CYP3A43: variants seen among roughly 807,000 people sequenced by gnomAD.
The protein encoded by CYP3A43 is cytochrome P450 3A43.
A neutral mutation model predicts 58.0 loss-of-function variants in CYP3A43; 45 were observed. The observed-to-expected ratio is 0.78, with a 90% CI of 0.61 to 0.99. CYP3A43 has a LOEUF of 0.99. Among genes scored for constraint, CYP3A43 ranks in the 50% least tolerant of loss-of-function variants. The pLI, the probability that CYP3A43 is intolerant of heterozygous loss-of-function variation, is 0.00. For missense variants in CYP3A43, 593 were observed against 591.9 expected (o/e 1.00, Z -0.02); for synonymous variants, 191 against 201.4 (o/e 0.95, Z 0.44).
chr7:99,860,933 G>T (rs930819945), intron 10 of CYP3A43, among the ~76,000 whole-genome samples: 1 of 152,020 alleles, frequency 6.6e-6, no homozygotes, highest in Non-Finnish European at 1.5e-5. Flanking sequence ...GACTGCAGTG[G>T]GGTGATCTCG....
intron 10 of CYP3A43, among the ~76,000 whole-genome samples, chr7:99,860,998 T>C (rs1210232165): frequency 6.6e-6 from 1 of 152,074 alleles, no homozygotes; most frequent in African/African-American, 2.4e-5. Flanking sequence ...CTCAGCCACC[T>C]GAGTAGCTGG....
chr7:99,828,338 A>AT lies in CYP3A43; in HGVS notation c.71+153dup, dbSNP rs1468312680. 1.3e-5 allele frequency: 7 copies of AT among 542,298 alleles called. No individual in the cohort carries two copies. In the Admixed American group the frequency reaches 2.2e-4, roughly 17 times the overall value. The allele number at this position is 542,298 out of a possible 1,614,324, so 33.6% of individuals were successfully genotyped here. On this transcript the variant is annotated intron_variant, in intron 1 of 12. Transcript: ENST00000354829. Reference sequence around the variant, plus strand: ...ACTGTGAACACATAAAATATTATTAATATGTTAGGACTCCTAATACAACAT... The same window carrying AT: ...ACTGTGAACACATAAAATATTATTAATTATGTTAGGACTCCTAATACAACAT...
intron 3 of CYP3A43, among the ~76,000 whole-genome samples, chr7:99,840,710 G>A (rs755134832): frequency 9.2e-5 from 14 of 152,128 alleles, no homozygotes; most frequent in African/African-American, 2.4e-4. Flanking sequence ...AACACAGGTC[G>A]CAGCTACCCC....
In CYP3A43 at chr7:99,838,700, C is replaced by T. The variant is rs760575129; in HGVS notation, c.166-420C>T. On this transcript the variant is annotated intron_variant, in intron 2 of 12. Coordinates refer to ENST00000354829, the MANE Select transcript of CYP3A43 (RefSeq NM_057095.3). ...AGAGGTCTCTGAATAAGATTCCCAGCTGGGCGTGGTGGCTCACGCCTGTAA... is the reference window on the plus strand; with the variant it reads ...AGAGGTCTCTGAATAAGATTCCCAGTTGGGCGTGGTGGCTCACGCCTGTAA... 2.4e-5 allele frequency: 31 copies of T among 1,288,174 alleles called. No homozygotes were observed. In the African/African-American group the frequency reaches 4.7e-4, roughly 20 times the overall value. 79.8% of individuals were successfully genotyped at this position (1,288,174 alleles called of 1,614,324 possible).
At chr7:99,836,575 C>T (rs747777515) in intron 2 of CYP3A43, 29 bp downstream of exon 2, 1 of 1,514,646 alleles carries the variant, frequency 6.6e-7, no homozygotes, top group Non-Finnish European at 8.9e-7. Context: ...CCCTCTTTTG[C>T]TTCTTATCGA....
At position 99,844,302 on chromosome 7, in the gene CYP3A43, A is replaced by G. The variant is rs540428216; in HGVS notation, c.318+60A>G. ...TTTATTCTTAAATGATTATATATTC[A>G]TGGAAACTTGCCCAGAAAATGGACA... On this transcript the variant is annotated intron_variant, in intron 4 of 12. Transcript: ENST00000354829. 14 of 1,524,470 alleles carry G rather than the reference A, an allele frequency of 9.2e-6. No homozygotes were observed. In the East Asian group the frequency reaches 2.9e-4, roughly 32 times the overall value. The allele number at this position is 1,524,470 out of a possible 1,614,324, so 94.4% of individuals were successfully genotyped here.
At chr7:99,856,131 CTGT>C (rs1476847963) in intron 8 of CYP3A43, among the ~76,000 whole-genome samples, 1 of 152,134 alleles carries the variant, frequency 6.6e-6, no homozygotes, top group Non-Finnish European at 1.5e-5. Context: ...AAGTCCAAGC[CTGT>C]TATTTTTACA....
At chr7:99,833,468 C>G (rs2151588818) in intron 1 of CYP3A43, among the ~76,000 whole-genome samples, 1 of 152,316 alleles carries the variant, frequency 6.6e-6, no homozygotes, top group African/African-American at 2.4e-5. Flanking sequence ...AGTGACCTTG[C>G]AGCTGCACAG....
chr7:99,859,803 C>A lies in CYP3A43; in HGVS notation c.866-27C>A. On this transcript the variant is annotated intron_variant, in intron 9 of 12. Coordinates refer to ENST00000354829, the MANE Select transcript of CYP3A43 (RefSeq NM_057095.3). ...GTGATGCTCTACACTAACCACTTTT[C>A]CTAAAATATATTTCCTCTCCTTTCA... The A allele has an allele frequency of 1.9e-6, 3 of 1,613,846 alleles. No homozygotes were observed. In the African/African-American group the frequency reaches 4.0e-5, roughly 22 times the overall value.
intron 2 of CYP3A43, 44 bp from the exon 3 acceptor site, chr7:99,839,076 A>G (rs770167549): frequency 3.1e-6 from 5 of 1,611,698 alleles, no homozygotes; most frequent in South Asian, 1.1e-5. Context: ...AGCGTTCAGT[A>G]CATTCGAAAT....
At chr7:99,863,777 T>C in intron 12 of CYP3A43, 78 bp downstream of exon 12, 6 of 1,171,056 alleles carry the variant, frequency 5.1e-6, no homozygotes, top group Non-Finnish European at 5.7e-6. Context: ...AAAATTATTG[T>C]TCATTTTTCA....
intron 7 of CYP3A43, among the ~76,000 whole-genome samples, chr7:99,853,539 A>G (rs1468404966): frequency 2.0e-5 from 3 of 151,954 alleles, no homozygotes; most frequent in South Asian, 4.2e-4. Flanking sequence ...TTTTGATGAT[A>G]TTTTCTTTTG....
chr7:99,850,962 A>C (rs1817738921), intron 7 of CYP3A43, among the ~76,000 whole-genome samples: 2 of 152,024 alleles, frequency 1.3e-5, no homozygotes, highest in Non-Finnish European at 2.9e-5. Flanking sequence ...AGGTCAAGAG[A>C]TCAAGACCAT....
At chr7:99,841,494 G>A (rs1817331423) in intron 3 of CYP3A43, among the ~76,000 whole-genome samples, 1 of 152,038 alleles carries the variant, frequency 6.6e-6, no homozygotes, top group Non-Finnish European at 1.5e-5. Flanking sequence ...ACCTCCCAGG[G>A]TCAAGCAATT....
At chr7:99,844,268 A>C (rs1202626930) in intron 4 of CYP3A43, 26 bp downstream of exon 4, 1 of 1,600,592 alleles carries the variant, frequency 6.2e-7, no homozygotes, top group South Asian at 1.1e-5. Context: ...CAAATGTATT[A>C]ATCAAATTTT....
intron 7 of CYP3A43, chr7:99,850,008 A>G (rs1290013805): frequency 2.3e-6 from 1 of 430,400 alleles, no homozygotes; most frequent in Non-Finnish European, 4.4e-6. Flanking sequence ...CCTAGGCCGG[A>G]GTGCATGGTG....
intron 11 of CYP3A43, among the ~76,000 whole-genome samples, 171 bp from the exon 12 acceptor site, chr7:99,863,366 C>T (rs1019259964): frequency 4.6e-5 from 7 of 152,182 alleles, no homozygotes; most frequent in Non-Finnish European, 5.9e-5. Context: ...TGGGTTTAAC[C>T]TTCAAAAATT....
Position 99,830,912 on chromosome 7 carries a change from G to A in CYP3A43, c.71+2726G>A, listed in dbSNP as rs1027796424. 6.6e-5 allele frequency among the ~76,000 whole-genome samples: 10 copies of A among 152,162 alleles called. No individual in the cohort carries two copies. In the South Asian group the frequency reaches 8.3e-4, roughly 13 times the overall value. ...GACCCTACAGATGTTACACAGATCC[G>A]TTGAAGAAGTAAATAAACATTATCC... On this transcript the variant is annotated intron_variant, in intron 1 of 12. Transcript: ENST00000354829.
In CYP3A43 at chr7:99,856,801, T is replaced by C. The variant is rs1028003235; in HGVS notation, c.799-32T>C. On this transcript the variant is annotated intron_variant, in intron 8 of 12. Coordinates refer to ENST00000354829, the MANE Select transcript of CYP3A43 (RefSeq NM_057095.3). The stretch of plus-strand genomic sequence containing the variant: ...TCACTTCTGACTTCACAAGTGACTT[T>C]CTGTCATTAAAATTTCTCTTTTTGC... 4.3e-6 allele frequency: 7 copies of C among 1,613,184 alleles called. No homozygotes were observed. In the African/African-American group the frequency reaches 9.4e-5, roughly 22 times the overall value.
Sources: gnomAD v4.1 joint callset for allele counts (sites outside exome capture counted in the v4.1 genomes callset) on GRCh38, gnomAD v4.1.1 for gene constraint, MANE v1.5 for transcripts, NCBI Gene and HGNC (gene_info 2026-07-23, HGNC 2026-07-21) for gene names.